The following GPR4 variants were observed in gnomAD, a reference collection of about 807,000 sequenced individuals.
GPR4 encodes G protein-coupled receptor 4.
A neutral mutation model predicts 17.8 loss-of-function variants in GPR4; 11 were observed. The ratio of observed to expected loss-of-function variants is 0.62; its 90% CI spans 0.39 to 1.02. The LOEUF is 1.02. Among genes scored for constraint, GPR4 ranks in the 50% least tolerant of loss-of-function variants. GPR4 has a pLI of 0.00. For missense variants in GPR4, 364 were observed against 495.4 expected (o/e 0.73, Z 2.52); for synonymous variants, 219 against 222.8 (o/e 0.98, Z 0.15).
chr19:45,596,914 T>C (rs951165646), intron 1 of GPR4, among the ~76,000 whole-genome samples: 8 of 152,104 alleles, frequency 5.3e-5, no homozygotes, highest in African/African-American at 1.9e-4. Context: ...AAATCCAGAC[T>C]CCTCATCCGG....
At chr19:45,600,516 A>G (rs1271032084) in intron 1 of GPR4, among the ~76,000 whole-genome samples, 2 of 151,962 alleles carry the variant, frequency 1.3e-5, no homozygotes, top group African/African-American at 4.8e-5. Flanking sequence ...GATTCCAGCC[A>G]TTTCTACTCA....
chr19:45,594,144 T>C (rs1970033189), intron 1 of GPR4, among the ~76,000 whole-genome samples: 1 of 142,888 alleles, frequency 7.0e-6, no homozygotes, highest in Non-Finnish European at 1.5e-5. Context: ...CTTGAACTCC[T>C]GAGCTCAAGA....
chr19:45,596,529 GCT>G (rs1055257241), intron 1 of GPR4, among the ~76,000 whole-genome samples: 4 of 151,202 alleles, frequency 2.6e-5, no homozygotes, highest in African/African-American at 9.7e-5. Context: ...ATGAAAATCA[GCT>G]CTTTCTTTTC....
chr19:45,591,738 G>A lies in GPR4; in HGVS notation c.129C>T (p.Tyr43=), dbSNP rs142938361. 180 of 1,613,934 alleles carry A rather than the reference G, an allele frequency of 1.1e-4. No homozygotes were observed. The Middle Eastern group carries it at 9.1e-3, about 81-fold the overall frequency. ...PTNCLALWAA[Y]RQVQQRNELG... ...GCTCGTTGCGCTGTTGCACCTGGCGGTAGGCCGCCCACAGAGCCAGGCAGT... is the reference window on the plus strand; with the variant it reads ...GCTCGTTGCGCTGTTGCACCTGGCGATAGGCCGCCCACAGAGCCAGGCAGT... Residue 43 remains tyrosine (Y), a synonymous_variant, in exon 2 of 2, where the codon TAC becomes TAT. Coordinates refer to ENST00000323040, the MANE Select transcript of GPR4 (RefSeq NM_005282.3). This position sits in a 1 kb window ranked among gnomAD's most constrained non-coding sequence, Gnocchi z 7.6.
intron 1 of GPR4, among the ~76,000 whole-genome samples, chr19:45,594,421 CAAAAA>C (rs11284570): frequency 1.3e-5 from 1 of 75,774 alleles, no homozygotes. Context: ...GACTCCGTCT[CAAAAA>C]AAAAAAAAAA....
chr19:45,594,290 C>T (rs1458769719), intron 1 of GPR4, among the ~76,000 whole-genome samples: 10 of 149,190 alleles, frequency 6.7e-5, no homozygotes, highest in East Asian at 2.0e-4. Context: ...GGCATGGTGG[C>T]GCACACCTGT....
chr19:45,591,250 C>G lies in GPR4; in HGVS notation c.617G>C (p.Arg206Pro). The G allele has an allele frequency of 1.2e-6, 2 of 1,613,246 alleles. No homozygotes were observed. The highest frequency in any genetic ancestry group is 1.7e-6 in the Non-Finnish European group (2 of 1,179,950). ...LMLLSYRGIL[R>P]AVRGSVSTER... ...GGTGGACACGCTGCCCCGCACGGCC[C>G]GCAGGATGCCCCGGTACGACAGCAG... The change falls in exon 2 of 2, where the codon CGG (arginine) becomes CCG (proline). Residue 206 changes from arginine to proline, a missense_variant. Arg to Pro is a moderately radical substitution (Grantham distance 103). Transcript: ENST00000323040. The surrounding 1 kb of genome is among the most constrained non-coding windows in gnomAD (Gnocchi z 7.6).
In GPR4 at chr19:45,591,292, A is replaced by C; in HGVS notation, c.575T>G (p.Phe192Cys). Residue 192 changes from phenylalanine (F) to cysteine (C), a missense_variant, in exon 2 of 2, where the codon TTC becomes TGC. Coordinates refer to ENST00000323040, the MANE Select transcript of GPR4 (RefSeq NM_005282.3). The surrounding 1 kb of genome is among the most constrained non-coding windows in gnomAD (Gnocchi z 7.6). ...NLYRVFVGFL[F>C]PWALMLLSYR... is the part of the protein sequence containing the mutation. ...CGACAGCAGCATGAGCGCCCACGGG[A>C]AGAGGAAGCCCACGAACACCCGATA... The C allele has an allele frequency of 6.2e-7, 1 of 1,612,854 alleles. No homozygotes were observed. The highest frequency in any genetic ancestry group is 8.5e-7 in the Non-Finnish European group (1 of 1,179,840).
intron 1 of GPR4, among the ~76,000 whole-genome samples, chr19:45,595,579 G>T (rs1352124561): frequency 6.6e-6 from 1 of 152,140 alleles, no homozygotes; most frequent in Non-Finnish European, 1.5e-5. Flanking sequence ...GTTCTGGGAA[G>T]ATCTGCATAC....
In GPR4 at chr19:45,591,944, GC is replaced by G; in HGVS notation, c.-79del. On this transcript the variant is annotated 5_prime_UTR_variant, in exon 2 of 2. Coordinates refer to ENST00000323040, the MANE Select transcript of GPR4 (RefSeq NM_005282.3). This position sits in a 1 kb window ranked among gnomAD's most constrained non-coding sequence, Gnocchi z 7.6. ...GCCACAGGGAGCGGGAGGCCATGGG[GC>G]CCCCTGAGCCCCTTCCTTGGAGGCT... 1.4e-6 allele frequency: 2 copies of G among 1,441,632 alleles called. No individual in the cohort carries two copies. The highest frequency in any genetic ancestry group is 1.9e-6 in the Non-Finnish European group (2 of 1,075,198). 89.3% of individuals were successfully genotyped at this position (1,441,632 alleles called of 1,614,324 possible).
At chr19:45,600,804 C>T (rs1278457353) in intron 1 of GPR4, among the ~76,000 whole-genome samples, 1 of 152,174 alleles carries the variant, frequency 6.6e-6, no homozygotes, top group Non-Finnish European at 1.5e-5. Context: ...TTCAACACTC[C>T]TCTTTTTGGA....
chr19:45,590,659 C>A lies in GPR4; in HGVS notation c.*119G>T. 7.8e-7 allele frequency: 1 copy of A among 1,286,648 alleles called. No homozygotes were observed. Among genetic ancestry groups the A allele is most frequent in the Non-Finnish European group, 1.1e-6 (1 of 941,496 alleles). 79.7% of individuals were successfully genotyped at this position (1,286,648 alleles called of 1,614,324 possible). Reference sequence around the variant, plus strand: ...ACACCAACCTCACTCTTCCTAAGTTCTTGTATTCTTATGAATATTAACACA... The same window carrying A: ...ACACCAACCTCACTCTTCCTAAGTTATTGTATTCTTATGAATATTAACACA... On this transcript the variant is annotated 3_prime_UTR_variant, in exon 2 of 2. Transcript: ENST00000323040.
intron 1 of GPR4, among the ~76,000 whole-genome samples, chr19:45,594,078 A>ATATATATATATTTTTTTATATATATTT (rs1555738345): frequency 1.3e-5 from 1 of 74,608 alleles, no homozygotes. Context: ...ATATATATAT[A>ATATATATATATTTTTTTATATATATTT]TATATATATA....
At position 45,590,678 on chromosome 19, in the gene GPR4, T is replaced by C. The variant is rs1969979872; in HGVS notation, c.*100A>G. On this transcript the variant is annotated 3_prime_UTR_variant, in exon 2 of 2. Transcript: ENST00000323040. ...TAAGTTCTTGTATTCTTATGAATATTAACACAGCCCTTTTTCCATACAATT... is the reference window on the plus strand; with the variant it reads ...TAAGTTCTTGTATTCTTATGAATATCAACACAGCCCTTTTTCCATACAATT... The C allele has an allele frequency of 1.4e-6, 2 of 1,405,698 alleles. No individual in the cohort carries two copies. The highest frequency in any genetic ancestry group is 4.7e-5 in the Admixed American group (2 of 42,780). The allele number at this position is 1,405,698 out of a possible 1,614,324, so 87.1% of individuals were successfully genotyped here.
chr19:45,598,059 C>A (rs1055368218), intron 1 of GPR4, among the ~76,000 whole-genome samples: 2 of 152,052 alleles, frequency 1.3e-5, no homozygotes, highest in Non-Finnish European at 2.9e-5. Flanking sequence ...TCAAAATAAC[C>A]TCCCTCCCCT....
chr19:45,591,684 G>A lies in GPR4; in HGVS notation c.183C>T (p.Ile61=). The A allele has an allele frequency of 1.2e-6, 2 of 1,613,956 alleles. No homozygotes were observed. Among genetic ancestry groups the A allele is most frequent in the Non-Finnish European group, 1.7e-6 (2 of 1,179,856 alleles). The change falls in exon 2 of 2, where the codon ATC becomes ATT. Residue 61 remains isoleucine, a synonymous_variant. Transcript: ENST00000323040. This position sits in a 1 kb window ranked among gnomAD's most constrained non-coding sequence, Gnocchi z 7.6. ...GCGTGCAGATGTACAGCAGGTCGGC[G>A]ATGCTGAGGTTCATCAGGTAGACGC... is the stretch of plus-strand genomic sequence containing the variant. The part of the protein sequence containing the change: ...ELGVYLMNLS[I]ADLLYICTLP...
At position 45,590,805 on chromosome 19, in the gene GPR4, C is replaced by T. The variant is rs147607317; in HGVS notation, c.1062G>A (p.Gln354=). 7.1e-4 allele frequency: 1,121 copies of T among 1,584,532 alleles called. 1 individual carries two copies. The highest frequency in any genetic ancestry group is 8.7e-4 in the Non-Finnish European group (1,011 of 1,164,628). ...ATTGTGCTGGCGGCAGCATCTTCAG[C>T]TGCACCTGGTCCCCCTGGGAGGGCG... ...ATPPSQGDQV[Q]LKMLPPAQ Residue 354 remains glutamine, a synonymous_variant, in exon 2 of 2, where the codon CAG becomes CAA. Transcript: ENST00000323040.
intron 1 of GPR4, among the ~76,000 whole-genome samples, chr19:45,600,401 G>A (rs890066003): frequency 2.0e-5 from 3 of 151,884 alleles, no homozygotes; most frequent in Admixed American, 1.3e-4. Context: ...CTCTCTTCCC[G>A]AAACTCCACC....
chr19:45,601,141 G>T (rs979985062), intron 1 of GPR4, among the ~76,000 whole-genome samples: 1 of 152,108 alleles, frequency 6.6e-6, no homozygotes, highest in Non-Finnish European at 1.5e-5. Flanking sequence ...GAACTGGGGG[G>T]TGTGGCCCCA....
Sources: allele counts gnomAD v4.1 joint callset (sites outside exome capture counted in the v4.1 genomes callset), GRCh38; gene constraint gnomAD v4.1.1; non-coding constraint Gnocchi (gnomAD v3.1); transcripts MANE v1.5; gene names NCBI Gene and HGNC (gene_info 2026-07-23, HGNC 2026-07-21).